Variants in SEC16A observed in about 807,000 individuals in gnomAD.
The protein encoded by SEC16A is protein transport protein Sec16A.
SEC16A carries 110 observed loss-of-function variants against 221.9 expected under a neutral mutation model. The ratio of observed to expected loss-of-function variants is 0.50; its 90% CI spans 0.42 to 0.58. SEC16A has a LOEUF of 0.58. Ranked by LOEUF, SEC16A falls within the 20% of genes least tolerant of loss-of-function variation. SEC16A has a pLI of 0.00. For synonymous variants in SEC16A, 1,393 were observed against 1,257.7 expected (o/e 1.11, Z -2.28); for missense variants, 3,165 against 3,097.8 (o/e 1.02, Z -0.52).
chr9:136,472,405 A>G (rs1840998175), intron 3 of SEC16A, among the ~76,000 whole-genome samples: 2 of 152,222 alleles, frequency 1.3e-5, no homozygotes, highest in African/African-American at 4.8e-5. Context: ...AGACCTCTGG[A>G]TGGACCCAGG....
chr9:136,459,655 C>T lies in SEC16A; in HGVS notation c.5192-100G>A. The T allele has an allele frequency of 7.4e-7, 1 of 1,360,402 alleles. No homozygotes were observed. Among genetic ancestry groups the T allele is most frequent in the Non-Finnish European group, 1.0e-6 (1 of 980,070 alleles). 84.3% of individuals were successfully genotyped at this position (1,360,402 alleles called of 1,614,324 possible). A position where few individuals can be genotyped will look rare whatever the true frequency, so the allele number is the denominator to read the frequency against. On this transcript the variant is annotated intron_variant, in intron 15 of 31. Transcript: ENST00000684901. This position sits in a 1 kb window ranked among gnomAD's most constrained non-coding sequence, Gnocchi z 6.1. Reference sequence around the variant, plus strand: ...GAAGGCACCAGAGACGCCAGCCGGACCGAGAAGGCCGGGTTCTGGTGATTT... The same window carrying T: ...GAAGGCACCAGAGACGCCAGCCGGATCGAGAAGGCCGGGTTCTGGTGATTT...
At position 136,459,911 on chromosome 9, in the gene SEC16A, G is replaced by A. The variant is rs781671989; in HGVS notation, c.5074-37C>T. 129 of 1,577,020 alleles carry A rather than the reference G, an allele frequency of 8.2e-5. No homozygotes were observed. Among genetic ancestry groups the A allele is most frequent in the South Asian group, 5.1e-4 (45 of 87,700 alleles). Reference sequence around the variant, plus strand: ...AAAAACAAAACGAAGCCTCATCCCCGGAAGCCAGCGCCATTTCAATTCCAC... The same window carrying A: ...AAAAACAAAACGAAGCCTCATCCCCAGAAGCCAGCGCCATTTCAATTCCAC... On this transcript the variant is annotated intron_variant, in intron 14 of 31. Coordinates refer to ENST00000684901, the MANE Select transcript of SEC16A (RefSeq NM_014866.2). The surrounding 1 kb of genome is among the most constrained non-coding windows in gnomAD (Gnocchi z 6.1).
chr9:136,462,980 G>T lies in SEC16A; in HGVS notation c.4800C>A (p.Leu1600=). The stretch of plus-strand genomic sequence containing the variant: ...CCGCCGGACCACCAGTGAGGAAAGA[G>T]AGCTGGGCCTCACCAGACTCCTCCT... ...VEEEESGEAQ[L]SFLTGGPAAA... Residue 1600 remains leucine (L), a synonymous_variant, in exon 12 of 32, where the codon CTC becomes CTA. Transcript: ENST00000684901. 6.2e-7 allele frequency: 1 copy of T among 1,609,690 alleles called. No homozygotes were observed. Among genetic ancestry groups the T allele is most frequent in the Middle Eastern group, 1.6e-4 (1 of 6,062 alleles).
chr9:136,477,095 T>G lies in SEC16A; in HGVS notation c.521A>C (p.His174Pro), dbSNP rs759201849. Residue 174 changes from histidine (H) to proline (P), a missense_variant, in exon 3 of 32, where the codon CAC becomes CCC. By Grantham distance (77) the His-to-Pro change is moderately conservative. Coordinates refer to ENST00000684901, the MANE Select transcript of SEC16A (RefSeq NM_014866.2). ...GAGCCCAGGCATGTTCCCATGAGGG[T>G]GGCCCCCATGAGACGTTTCAGGATC... is the stretch of plus-strand genomic sequence containing the variant. ...GVDPETSHGG[H>P]PHGNMPGLDR... 1.8e-5 allele frequency: 29 copies of G among 1,613,756 alleles called. No homozygotes were observed. The highest frequency in any genetic ancestry group is 2.5e-5 in the Non-Finnish European group (29 of 1,179,874).
intron 20 of SEC16A, among the ~76,000 whole-genome samples, chr9:136,454,925 G>A (rs866545781): frequency 6.6e-6 from 1 of 152,226 alleles, no homozygotes; most frequent in Admixed American, 6.5e-5. Context: ...AATCAGGAGT[G>A]TGGCTGGTCC....
At position 136,462,942 on chromosome 9, in the gene SEC16A, G is replaced by A. The variant is rs554095424; in HGVS notation, c.4838C>T (p.Ser1613Leu). Residue 1613 changes from serine (S) to leucine (L), a missense_variant, in exon 12 of 32, where the codon TCG becomes TTG. Physicochemically the swap from Ser to Leu is moderately radical, Grantham distance 145 (BLOSUM62 -2). This residue lies in a region of SEC16A where 1,088 missense variants were observed against 1,089.6 expected (regional missense o/e 1.00). Coordinates refer to ENST00000684901, the MANE Select transcript of SEC16A (RefSeq NM_014866.2). ...LTGGPAAAAS[S>L]LERETERFRE... Reference sequence around the variant, plus strand: ...GAACCTCTCGGTCTCTCTCTCGAGCGAGCTGGCGGCAGCCGCCGGACCACC... The same window carrying A: ...GAACCTCTCGGTCTCTCTCTCGAGCAAGCTGGCGGCAGCCGCCGGACCACC... 1.2e-5 allele frequency: 19 copies of A among 1,605,632 alleles called. No individual in the cohort carries two copies. Among genetic ancestry groups the A allele is most frequent in the East Asian group, 4.5e-5 (2 of 44,878 alleles).
Position 136,476,978 on chromosome 9 carries a change from C to G in SEC16A, c.638G>C (p.Gly213Ala). The change falls in exon 3 of 32, where the codon GGA becomes GCA. Residue 213 changes from glycine to alanine, a missense_variant. Gly to Ala is a moderately conservative substitution (Grantham distance 60). Coordinates refer to ENST00000684901, the MANE Select transcript of SEC16A (RefSeq NM_014866.2). ...SLPQPGLQMP[G>A]QWGPVQGGPQ... is the part of the protein sequence containing the mutation. ...GCCTCCCTGCACTGGCCCCCACTGT[C>G]CTGGCATCTGCAGACCAGGCTGAGG... The G allele has an allele frequency of 6.2e-7, 1 of 1,613,256 alleles. No individual in the cohort carries two copies. Among genetic ancestry groups the G allele is most frequent in the Non-Finnish European group, 8.5e-7 (1 of 1,179,850 alleles).
chr9:136,456,460 C>A (rs1466059746), intron 18 of SEC16A, among the ~76,000 whole-genome samples: 1 of 152,152 alleles, frequency 6.6e-6, no homozygotes, highest in African/African-American at 2.4e-5. Context: ...CCTGACTCAG[C>A]AAAAGCTGGA....
chr9:136,467,050 G>A lies in SEC16A; in HGVS notation c.3836C>T (p.Ala1279Val). 2 of 1,613,900 alleles carry A rather than the reference G, an allele frequency of 1.2e-6. No individual in the cohort carries two copies. Among genetic ancestry groups the A allele is most frequent in the Non-Finnish European group, 8.5e-7 (1 of 1,179,840 alleles). Residue 1279 changes from alanine to valine, a missense_variant, in exon 6 of 32, where the codon GCT (alanine) becomes GTT (valine). Ala to Val is a moderately conservative substitution (Grantham distance 64, BLOSUM62 0). This residue lies in a region of SEC16A where 2,030 missense variants were observed against 1,923.1 expected (regional missense o/e 1.06). Coordinates refer to ENST00000684901, the MANE Select transcript of SEC16A (RefSeq NM_014866.2). ...ATAGGTGCGGGGGTCCCTGACTCTA[G>A]CACTGTAGTGGTAACGATCCCAGTG... Reference protein sequence around the residue: ...PGHWDRYHYSARVRDPRTYDR... With the variant: ...PGHWDRYHYSVRVRDPRTYDR...
intron 30 of SEC16A, among the ~76,000 whole-genome samples, chr9:136,444,573 G>A (rs1836682000): frequency 1.3e-5 from 2 of 152,182 alleles, no homozygotes; most frequent in African/African-American, 2.4e-5. Flanking sequence ...GTTGCCCCAT[G>A]TATGTGGAGA....
Position 136,474,123 on chromosome 9 carries a change from A to C in SEC16A, c.3493T>G (p.Leu1165Val). The C allele has an allele frequency of 6.2e-7, 1 of 1,613,320 alleles. No homozygotes were observed. Among genetic ancestry groups the C allele is most frequent in the Non-Finnish European group, 8.5e-7 (1 of 1,179,884 alleles). The change falls in exon 3 of 32, where the codon TTG becomes GTG. Residue 1165 changes from leucine (L) to valine (V), a missense_variant. Leu to Val is a conservative substitution (Grantham distance 32). Transcript: ENST00000684901. ...TACTGAGGCTGGTAGGCATCGTACAAAGGCCGGTAGTAGTAGTAGGCGGCC... is the reference window on the plus strand; with the variant it reads ...TACTGAGGCTGGTAGGCATCGTACACAGGCCGGTAGTAGTAGTAGGCGGCC... ...DLAAYYYYRPLYDAYQPQYSL... is the reference protein window; with the variant it reads ...DLAAYYYYRPVYDAYQPQYSL...
At position 136,477,007 on chromosome 9, in the gene SEC16A, G is replaced by T; in HGVS notation, c.609C>A (p.Ser203=). The change falls in exon 3 of 32, where the codon TCC becomes TCA. Residue 203 remains serine, a synonymous_variant. Coordinates refer to ENST00000684901, the MANE Select transcript of SEC16A (RefSeq NM_014866.2). ...GCATCTGCAGACCAGGCTGAGGGAG[G>T]GAAGGGGATGCTGCTGGGGTGACCA... ...DGVVTPAASP[S]LPQPGLQMPG... 6.2e-7 allele frequency: 1 copy of T among 1,613,564 alleles called. No homozygotes were observed. The highest frequency in any genetic ancestry group is 8.5e-7 in the Non-Finnish European group (1 of 1,179,892).
upstream of SEC16A, chr9:136,484,710 A>G: frequency 7.3e-7 from 1 of 1,366,666 alleles, no homozygotes; most frequent in Non-Finnish European, 9.8e-7. Context: ...GGAGAGCTTC[A>G]GTCCGGCTGA....
At chr9:136,452,843 C>T (rs539634098) in intron 22 of SEC16A, among the ~76,000 whole-genome samples, 4 of 146,472 alleles carry the variant, frequency 2.7e-5, no homozygotes, top group Non-Finnish European at 6.0e-5. Flanking sequence ...GAGGCTGAGG[C>T]GGGTAGATCA....
intron 23 of SEC16A, chr9:136,448,589 A>G: frequency 1.5e-6 from 1 of 668,858 alleles, no homozygotes; most frequent in Non-Finnish European, 2.8e-6. Flanking sequence ...TAGAGACACC[A>G]GGATGGAGGT....
chr9:136,451,468 G>T, intron 22 of SEC16A, 60 bp from the exon 23 acceptor site: 1 of 1,518,494 alleles, frequency 6.6e-7, no homozygotes, highest in Non-Finnish European at 8.8e-7. Flanking sequence ...CCGAAAGAGA[G>T]AGGGGGATGC....
At chr9:136,456,485 T>G (rs374234895) in intron 18 of SEC16A, among the ~76,000 whole-genome samples, 2 of 152,326 alleles carry the variant, frequency 1.3e-5, no homozygotes, top group Non-Finnish European at 2.9e-5. Flanking sequence ...CCCAGGAATG[T>G]CTGCATGCTT....
chr9:136,472,734 C>T (rs953038703), intron 3 of SEC16A, among the ~76,000 whole-genome samples: 3 of 152,238 alleles, frequency 2.0e-5, no homozygotes, highest in Non-Finnish European at 2.9e-5. Context: ...TGCAGTGCCC[C>T]GGACACACGC....
rs1157177907 is a variant in SEC16A, at chr9:136,459,264, A to G, written c.5304-25T>C. ...ACTGTAGAGGAAGTGAATTATTTTG[A>G]TTTGGAAAAAATGGCCAATTATTGG... On this transcript the variant is annotated intron_variant, in intron 16 of 31. Coordinates refer to ENST00000684901, the MANE Select transcript of SEC16A (RefSeq NM_014866.2). This position sits in a 1 kb window ranked among gnomAD's most constrained non-coding sequence, Gnocchi z 6.1. 4 of 1,606,342 alleles carry G rather than the reference A, an allele frequency of 2.5e-6. No individual in the cohort carries two copies. Among genetic ancestry groups the G allele is most frequent in the Non-Finnish European group, 2.6e-6 (3 of 1,175,236 alleles).
Sources: allele counts gnomAD v4.1 joint callset (sites outside exome capture counted in the v4.1 genomes callset), GRCh38; gene constraint gnomAD v4.1.1; regional missense constraint gnomAD v4.1.1; non-coding constraint Gnocchi (gnomAD v3.1); transcripts MANE v1.5; gene names NCBI Gene and HGNC (gene_info 2026-07-23, HGNC 2026-07-21).